Variants in TAPBPL observed in about 807,000 individuals in gnomAD.
The protein encoded by TAPBPL is tapasin-related protein.
A neutral mutation model predicts 44.8 loss-of-function variants in TAPBPL; 32 were observed. That is an observed-to-expected ratio of 0.71 (90% CI 0.54 to 0.96). TAPBPL has a LOEUF of 0.96. TAPBPL is among the 40% of genes least tolerant of loss of function. The pLI is 0.00. For synonymous variants in TAPBPL, 230 were observed against 240.7 expected (o/e 0.96, Z 0.41); for missense variants, 520 against 586.6 (o/e 0.89, Z 1.17).
In TAPBPL at chr12:6,452,177, G is replaced by C; in HGVS notation, c.-72G>C. On this transcript the variant is annotated 5_prime_UTR_variant, in exon 1 of 7. Transcript: ENST00000266556. ...TGTGCTTGGAGAGCCCCCTTCTTCCGCCGGGCCTCGCAAGCAGCGTAGGAC... is the reference window on the plus strand; with the variant it reads ...TGTGCTTGGAGAGCCCCCTTCTTCCCCCGGGCCTCGCAAGCAGCGTAGGAC... 6.5e-7 allele frequency: 1 copy of C among 1,533,834 alleles called. No homozygotes were observed. The highest frequency in any genetic ancestry group is 8.8e-7 in the Non-Finnish European group (1 of 1,131,912).
Position 6,462,147 on chromosome 12 carries a change from T to C in TAPBPL, c.1405T>C (p.Ter469ArgextTer5). 1 of 1,608,416 alleles carries C rather than the reference T, an allele frequency of 6.2e-7. No individual in the cohort carries two copies. Among genetic ancestry groups the C allele is most frequent in the Non-Finnish European group, 8.5e-7 (1 of 1,175,934 alleles). Residue 469 changes from the stop codon to arginine, a stop_lost, in exon 7 of 7, where the codon TGA becomes CGA. Coordinates refer to ENST00000266556, the MANE Select transcript of TAPBPL (RefSeq NM_018009.5). ...CACAGCGCGTGTAAGCCAGCCCAGC[T>C]GACCTAAAGCGACATGAGACTACTA... ...DRTARVSQPS[*>R]
rs538636068 is a variant in TAPBPL at position 6,454,561 on chromosome 12, A to G, written c.565+845A>G. On this transcript the variant is annotated intron_variant, in intron 3 of 6. Transcript: ENST00000266556. ...CCCAGGCACACAGACAACCTGTGTT[A>G]TTTCCAAAATGGAGATCGTTCTCAT... 3.9e-5 allele frequency among the ~76,000 whole-genome samples: 6 copies of G among 152,292 alleles called. No homozygotes were observed. In the South Asian group the frequency reaches 1.2e-3, roughly 32 times the overall value.
chr12:6,462,872 C>T (rs1443644208), downstream of TAPBPL: 1 of 1,602,792 alleles, frequency 6.2e-7, no homozygotes. Flanking sequence ...ATGTGGGAAA[C>T]AAGGGCGAAA....
intron 6 of TAPBPL, 48 bp from the exon 7 acceptor site, chr12:6,461,986 C>T (rs759162597): frequency 6.6e-7 from 1 of 1,505,886 alleles, no homozygotes; most frequent in South Asian, 1.1e-5. Context: ...GCTTGTTTGC[C>T]AGTGTGAGAT....
At chr12:6,451,931 C>A (rs7133238), upstream of TAPBPL, 3,279 of 424,504 alleles carry the variant, frequency 7.7e-3, 113 homozygotes, top group African/African-American at 0.061. Context: ...TTTTTTGGGA[C>A]AGGTGGGGAG....
At chr12:6,458,523 C>A in intron 4 of TAPBPL, 122 bp from the exon 5 acceptor site, 1 of 1,223,400 alleles carries the variant, frequency 8.2e-7, no homozygotes, top group Non-Finnish European at 1.1e-6. Flanking sequence ...CCTTGGTACA[C>A]CACCAAGGGA....
chr12:6,465,239 A>G (rs1357472475), downstream of TAPBPL: 1 of 460,218 alleles, frequency 2.2e-6, no homozygotes, highest in African/African-American at 2.0e-5. Flanking sequence ...CAGACTCTGG[A>G]TATTTAACCA....
chr12:6,452,847 G>A (rs1193575988), intron 1 of TAPBPL, among the ~76,000 whole-genome samples: 3 of 152,196 alleles, frequency 2.0e-5, no homozygotes, highest in African/African-American at 4.8e-5. Context: ...GGCAAATCCA[G>A]GACTTTAACT....
At chr12:6,465,066 G>A, downstream of TAPBPL, 2 of 1,422,220 alleles carry the variant, frequency 1.4e-6, no homozygotes. Flanking sequence ...CATCACCCAG[G>A]AGACCTGCAG....
At chr12:6,455,399 G>A (rs557095866) in intron 3 of TAPBPL, among the ~76,000 whole-genome samples, 22 of 152,308 alleles carry the variant, frequency 1.4e-4, no homozygotes, top group Admixed American at 3.9e-4. Context: ...TAGTCTACCC[G>A]TAGCGCAGGC....
downstream of TAPBPL, chr12:6,466,334 G>A (rs1242930365): frequency 4.3e-6 from 7 of 1,613,658 alleles, no homozygotes; most frequent in African/African-American, 1.3e-5. Flanking sequence ...TTCAGCAGGT[G>A]GCTGAGCTGG....
downstream of TAPBPL, chr12:6,466,580 T>C: frequency 2.5e-6 from 1 of 402,518 alleles, no homozygotes; most frequent in South Asian, 3.3e-5. Context: ...TAAACAATTA[T>C]GATTAGGCTA....
chr12:6,452,169 C>A lies in TAPBPL; in HGVS notation c.-80C>A, dbSNP rs560625132. The A allele has an allele frequency of 8.5e-6, 13 of 1,521,418 alleles. No homozygotes were observed. The South Asian group carries it at 1.6e-4, about 18-fold the overall frequency. The allele number at this position is 1,521,418 out of a possible 1,614,324, so 94.2% of individuals were successfully genotyped here. A position where few individuals can be genotyped will look rare whatever the true frequency, so the allele number is the denominator to read the frequency against. ...CTGCCAGGTGTGCTTGGAGAGCCCC[C>A]TTCTTCCGCCGGGCCTCGCAAGCAG... On this transcript the variant is annotated 5_prime_UTR_variant, in exon 1 of 7. Transcript: ENST00000266556.
At chr12:6,466,492 G>C, downstream of TAPBPL, 2 of 831,278 alleles carry the variant, frequency 2.4e-6, no homozygotes, top group Non-Finnish European at 3.6e-6. Context: ...AGGCCAGCCT[G>C]GGCATCATAG....
chr12:6,465,386 G>GTATATATATATAAATGTATATATATGTA (rs1565526071), downstream of TAPBPL: 2 of 59,502 alleles, frequency 3.4e-5, no homozygotes, highest in African/African-American at 1.2e-4. Context: ...GTATATATAT[G>GTATATATATATAAATGTATATATATGTA]TATATATATA....
At chr12:6,452,485 T>TGGAG in intron 1 of TAPBPL, 173 bp downstream of exon 1, 1 of 1,431,194 alleles carries the variant, frequency 7.0e-7, no homozygotes, top group Non-Finnish European at 9.2e-7. Flanking sequence ...ATAGTGTGTG[T>TGGAG]GGAGGGAGGG....
At chr12:6,468,653 C>T (rs2137013260), downstream of TAPBPL, among the ~76,000 whole-genome samples, 1 of 152,306 alleles carries the variant, frequency 6.6e-6, no homozygotes, top group South Asian at 2.1e-4. Context: ...TCTTGGTTTA[C>T]TGTACTATAC....
chr12:6,466,294 AC>A (rs1311863343), downstream of TAPBPL: 3 of 1,613,832 alleles, frequency 1.9e-6, no homozygotes, highest in Admixed American at 1.7e-5. Context: ...GGCCAGGGGG[AC>A]CCCCACCTGG....
downstream of TAPBPL, among the ~76,000 whole-genome samples, chr12:6,469,444 T>C (rs555367883): frequency 1.3e-5 from 2 of 152,306 alleles, no homozygotes; most frequent in Non-Finnish European, 2.9e-5. Context: ...ATTCTACGGC[T>C]TGCCCAAAAT....
Sources: gnomAD v4.1 joint callset for allele counts (sites outside exome capture counted in the v4.1 genomes callset) on GRCh38, gnomAD v4.1.1 for gene constraint, MANE v1.5 for transcripts, NCBI Gene and HGNC (gene_info 2026-07-23, HGNC 2026-07-21) for gene names.